APBB2: variants seen among roughly 807,000 people sequenced by gnomAD.
APBB2 encodes the protein Fe65-like 1.
Under a neutral mutation model 82.5 loss-of-function variants are expected in APBB2, and 38 were observed. The ratio of observed to expected loss-of-function variants is 0.46; its 90% CI spans 0.36 to 0.60. APBB2 has a LOEUF of 0.60. APBB2 is among the 20% of genes least tolerant of loss of function. The probability of loss-of-function intolerance (pLI) is 0.00; values close to 1 mark genes in which losing one functional copy is unlikely to be tolerated. For missense variants in APBB2, 772 were observed against 972.3 expected (o/e 0.79, Z 2.74); for synonymous variants, 341 against 368.2 (o/e 0.93, Z 0.85).
chr4:40,900,752 C>T lies in APBB2; in HGVS notation c.1255-7341G>A, dbSNP rs888023581. 1.0e-4 allele frequency among the ~76,000 whole-genome samples: 15 copies of T among 148,046 alleles called. No individual in the cohort carries two copies. In the East Asian group the frequency reaches 1.2e-3, roughly 12 times the overall value. ...GATTACAGGTGTGAGTCACTGAGCC[C>T]GGGCTTTTTTTTTTTTTTTTTTAAT... On this transcript the variant is annotated intron_variant, in intron 10 of 17. Transcript: ENST00000508593.
chr4:40,980,446 G>T (rs1192321260), intron 6 of APBB2, among the ~76,000 whole-genome samples: 1 of 152,176 alleles, frequency 6.6e-6, no homozygotes, highest in East Asian at 1.9e-4. Flanking sequence ...TGGCTGGAGA[G>T]AGCAGCAGTA....
At chr4:41,092,506 T>C (rs1470085574) in intron 3 of APBB2, among the ~76,000 whole-genome samples, 2 of 152,032 alleles carry the variant, frequency 1.3e-5, no homozygotes, top group African/African-American at 4.8e-5. Context: ...CTGGCCAACA[T>C]AGTGAAACCT....
intron 10 of APBB2, among the ~76,000 whole-genome samples, chr4:40,911,242 G>A (rs983593827): frequency 4.6e-5 from 7 of 152,276 alleles, no homozygotes; most frequent in Admixed American, 1.3e-4. Flanking sequence ...GGCTCCTCAG[G>A]GACAACTGTG....
intron 6 of APBB2, among the ~76,000 whole-genome samples, chr4:40,962,703 A>C (rs1392629420): frequency 6.6e-6 from 1 of 152,072 alleles, no homozygotes; most frequent in Non-Finnish European, 1.5e-5. Context: ...TATGAATGGG[A>C]AAGAGGAGGA....
intron 10 of APBB2, among the ~76,000 whole-genome samples, chr4:40,907,365 ATATATATATATATATTTTTTT>A (rs1476366543): frequency 1.4e-3 from 120 of 85,028 alleles, no homozygotes; most frequent in African/African-American, 7.7e-3. Flanking sequence ...ATATATATAT[ATATATATATATATATTTTTTT>A]TTTTTTTTTT....
intron 1 of APBB2, among the ~76,000 whole-genome samples, chr4:41,153,344 G>A (rs1005779550): frequency 6.6e-6 from 1 of 152,140 alleles, no homozygotes; most frequent in African/African-American, 2.4e-5. Flanking sequence ...CTACCGTACT[G>A]CTAGGAACCT....
chr4:41,192,679 C>A (rs2154071652), intron 1 of APBB2, among the ~76,000 whole-genome samples: 1 of 152,058 alleles, frequency 6.6e-6, no homozygotes, highest in South Asian at 2.1e-4. Context: ...TACAAAGTAG[C>A]AGATATGTAG....
In APBB2 at chr4:40,895,222, C is replaced by T. The variant is rs1056803297; in HGVS notation, c.1255-1811G>A. ...CCAAAATATCAAAGACAAAACAGCC[C>T]GTTTAAGCAAACAGTGCGCTGATCC... On this transcript the variant is annotated intron_variant, in intron 10 of 17. Transcript: ENST00000508593. 3.9e-5 allele frequency among the ~76,000 whole-genome samples: 6 copies of T among 152,172 alleles called. No individual in the cohort carries two copies. The East Asian group carries it at 5.8e-4, about 15-fold the overall frequency.
chr4:41,047,339 C>T (rs1327343226), intron 4 of APBB2, among the ~76,000 whole-genome samples: 1 of 152,226 alleles, frequency 6.6e-6, no homozygotes, highest in African/African-American at 2.4e-5. Flanking sequence ...TTAACTGAAA[C>T]AGGGACAGGA....
chr4:41,031,696 T>G lies in APBB2; in HGVS notation c.19+1540A>C, dbSNP rs538148387. On this transcript the variant is annotated intron_variant, in intron 5 of 17. Coordinates refer to ENST00000508593, the MANE Select transcript of APBB2 (RefSeq NM_004307.2). ...TCATTTTATACACTTGCCAGCTTTA[T>G]TTTAATGTTTTCATACTAGAGTACC... Among the ~76,000 whole-genome samples the G allele has an allele frequency of 9.2e-5, 14 of 152,312 alleles. No homozygotes were observed. In the East Asian group the frequency reaches 2.7e-3, roughly 29 times the overall value.
At chr4:41,093,403 C>T (rs1742444035) in intron 3 of APBB2, among the ~76,000 whole-genome samples, 1 of 152,074 alleles carries the variant, frequency 6.6e-6, no homozygotes, top group African/African-American at 2.4e-5. Flanking sequence ...ATTTTGGCTT[C>T]CTTTTAAGGG....
chr4:40,964,021 G>A (rs2154394844), intron 6 of APBB2, among the ~76,000 whole-genome samples: 1 of 152,296 alleles, frequency 6.6e-6, no homozygotes, highest in South Asian at 2.1e-4. Context: ...TTAAAAGCAA[G>A]AATGCAGTTT....
intron 10 of APBB2, among the ~76,000 whole-genome samples, chr4:40,902,529 T>C (rs764889092): frequency 3.3e-5 from 5 of 152,126 alleles, no homozygotes; most frequent in African/African-American, 4.8e-5. Flanking sequence ...CCAGGTTTTT[T>C]GTTTTTGTTT....
chr4:40,833,970 C>G (rs1435389514), intron 12 of APBB2, among the ~76,000 whole-genome samples: 1 of 152,216 alleles, frequency 6.6e-6, no homozygotes, highest in Non-Finnish European at 1.5e-5. Context: ...TTAGGCTTAA[C>G]TTTAAAAAAT....
chr4:40,964,236 C>A (rs1480772633), intron 6 of APBB2, among the ~76,000 whole-genome samples: 2 of 152,136 alleles, frequency 1.3e-5, no homozygotes, highest in Non-Finnish European at 2.9e-5. Flanking sequence ...TTCAACTGGT[C>A]ACCCTGGAAA....
chr4:41,057,383 A>G (rs1728196271), intron 4 of APBB2, among the ~76,000 whole-genome samples: 1 of 152,222 alleles, frequency 6.6e-6, no homozygotes, highest in South Asian at 2.1e-4. Flanking sequence ...TTCGGGAGGC[A>G]GAGGTTACAG....
chr4:40,897,776 G>C (rs891000771), intron 10 of APBB2, among the ~76,000 whole-genome samples: 2 of 152,096 alleles, frequency 1.3e-5, no homozygotes, highest in Non-Finnish European at 2.9e-5. Context: ...GCAATGTTTG[G>C]TGCTGCCCCC....
intron 6 of APBB2, among the ~76,000 whole-genome samples, chr4:40,953,086 G>C (rs912711225): frequency 6.6e-6 from 1 of 152,054 alleles, no homozygotes; most frequent in Non-Finnish European, 1.5e-5. Flanking sequence ...CCTGAAGTCA[G>C]GAGTTCAAGA....
At chr4:40,900,283 C>T (rs1774895697) in intron 10 of APBB2, among the ~76,000 whole-genome samples, 1 of 152,052 alleles carries the variant, frequency 6.6e-6, no homozygotes, top group Non-Finnish European at 1.5e-5. Flanking sequence ...AGATGAGTGC[C>T]TATTCTTCCC....
Sources: allele counts gnomAD v4.1 joint callset (sites outside exome capture counted in the v4.1 genomes callset), GRCh38; gene constraint gnomAD v4.1.1; transcripts MANE v1.5; gene names NCBI Gene and HGNC (gene_info 2026-07-23, HGNC 2026-07-21).